Variants in ITGB6 observed in about 807,000 individuals in gnomAD.
ITGB6 encodes the protein integrin subunit beta 6, also known as integrin beta-6.
ITGB6 carries 80 observed loss-of-function variants against 84.5 expected under a neutral mutation model. That is an observed-to-expected ratio of 0.95 (90% CI 0.79 to 1.14). The LOEUF (loss-of-function observed/expected upper bound fraction) is 1.14. ITGB6 is among the 50% of genes most tolerant of loss of function. The pLI, the probability that ITGB6 is intolerant of heterozygous loss-of-function variation, is 0.00. For synonymous variants in ITGB6, 383 were observed against 354.9 expected, an observed-to-expected ratio of 1.08 and a Z score of -0.89; for missense variants, 1,006 against 968.0, an observed-to-expected ratio of 1.04 and a Z score of -0.52.
intron 4 of ITGB6, among the ~76,000 whole-genome samples, chr2:160,180,710 T>C (rs1292024578): frequency 6.6e-6 from 1 of 152,180 alleles, no homozygotes; most frequent in Admixed American, 6.5e-5. Flanking sequence ...GATGATCAAA[T>C]AGGAACAGCT....
chr2:160,174,079 A>G lies in ITGB6; in HGVS notation c.654T>C (p.Asn218=). 6.2e-7 allele frequency: 1 copy of G among 1,613,100 alleles called. No individual in the cohort carries two copies. Among genetic ancestry groups the G allele is most frequent in the Non-Finnish European group, 8.5e-7 (1 of 1,179,658 alleles). ...CAATTTCATTGAATCTTTCAGCATC[A>G]TTTGTCAATGGCAAAATGTGCTTGA... The part of the protein sequence containing the change: ...FGFKHILPLT[N]DAERFNEIVK... The change falls in exon 5 of 15, where the codon AAT becomes AAC. Residue 218 remains asparagine (N), a synonymous_variant. Transcript: ENST00000283249.
chr2:160,139,972 G>A lies in ITGB6; in HGVS notation c.1108-1773C>T, dbSNP rs531324784. Reference sequence around the variant, plus strand: ...CGGCACTGTAAAATACTGAGCTGAAGTTTGTAGCCACAAAGTTATAAACAC... The same window carrying A: ...CGGCACTGTAAAATACTGAGCTGAAATTTGTAGCCACAAAGTTATAAACAC... On this transcript the variant is annotated intron_variant, in intron 8 of 14. Transcript: ENST00000283249. Among the ~76,000 whole-genome samples, 6 of 152,276 alleles carry A rather than the reference G, an allele frequency of 3.9e-5. No individual in the cohort carries two copies. In the South Asian group the frequency reaches 1.2e-3, roughly 32 times the overall value.
intron 4 of ITGB6, among the ~76,000 whole-genome samples, chr2:160,179,205 A>G (rs1427785368): frequency 6.6e-6 from 1 of 151,960 alleles, no homozygotes; most frequent in Non-Finnish European, 1.5e-5. Flanking sequence ...CACATATACT[A>G]AAGTATTAAT....
chr2:160,121,797 G>A (rs1011655820), intron 12 of ITGB6, among the ~76,000 whole-genome samples: 1 of 149,130 alleles, frequency 6.7e-6, no homozygotes, highest in Non-Finnish European at 1.5e-5. Flanking sequence ...AAGACTCTCA[G>A]TAAAATGGGA....
At chr2:160,122,101 A>AT (rs1053482445) in intron 12 of ITGB6, among the ~76,000 whole-genome samples, 2 of 152,054 alleles carry the variant, frequency 1.3e-5, no homozygotes, top group African/African-American at 4.8e-5. Context: ...AATTAAAAAC[A>AT]TTTTTTTCTC....
intron 4 of ITGB6, among the ~76,000 whole-genome samples, chr2:160,180,458 T>C (rs1450524360): frequency 2.6e-5 from 4 of 152,196 alleles, no homozygotes; most frequent in African/African-American, 9.7e-5. Context: ...TTTATTTGTA[T>C]TTAACTTTTA....
chr2:160,126,684 T>C lies in ITGB6; in HGVS notation c.1661-83A>G, dbSNP rs552981186. On this transcript the variant is annotated intron_variant, in intron 10 of 14. Transcript: ENST00000283249. ...GGGTGAGGGGCATCTTTTCTCTTTG[T>C]CTTTAAGCACCGTCATCAAAAGACA... 17 of 1,304,346 alleles carry C rather than the reference T, an allele frequency of 1.3e-5. No individual in the cohort carries two copies. In the African/African-American group the frequency reaches 1.5e-4, roughly 11 times the overall value. 80.8% of individuals were successfully genotyped at this position (1,304,346 alleles called of 1,614,324 possible). A position where few individuals can be genotyped will look rare whatever the true frequency, so the allele number is the denominator to read the frequency against.
intron 7 of ITGB6, among the ~76,000 whole-genome samples, chr2:160,167,691 T>C (rs986950786): frequency 6.6e-6 from 1 of 152,340 alleles, no homozygotes. Context: ...GGCTCTGTTT[T>C]GCCATGTAGT....
intron 7 of ITGB6, among the ~76,000 whole-genome samples, chr2:160,166,018 A>G (rs982102548): frequency 5.9e-5 from 9 of 152,260 alleles, no homozygotes; most frequent in African/African-American, 1.9e-4. Context: ...TTTGACAAAT[A>G]TCTACTGAGA....
chr2:160,123,825 G>A lies in ITGB6; in HGVS notation c.1947C>T (p.Cys649=). The A allele has an allele frequency of 1.2e-6, 2 of 1,613,978 alleles. No individual in the cohort carries two copies. Among genetic ancestry groups the A allele is most frequent in the Non-Finnish European group, 1.7e-6 (2 of 1,179,922 alleles). Reference sequence around the variant, plus strand: ...CACTGATGGTCGCACCAGCTAGTTTGCACTTGTCCACACATTCTTCTCGGG... The same window carrying A: ...CACTGATGGTCGCACCAGCTAGTTTACACTTGTCCACACATTCTTCTCGGG... The part of the protein sequence containing the change: ...GQAREECVDK[C]KLAGATISEE... The change falls in exon 12 of 15, where the codon TGC becomes TGT. Residue 649 remains cysteine, a synonymous_variant. Coordinates refer to ENST00000283249, the MANE Select transcript of ITGB6 (RefSeq NM_000888.5).
chr2:160,195,602 A>G lies in ITGB6; in HGVS notation c.360T>C (p.Thr120=). ...ILKLRPGGAQ[T]LQVHVRQTED... Reference sequence around the variant, plus strand: ...CAGTCTGGCGGACATGCACCTGCAGAGTCTGCGCACCACCTGCAAAGCCCA... The same window carrying G: ...CAGTCTGGCGGACATGCACCTGCAGGGTCTGCGCACCACCTGCAAAGCCCA... Residue 120 remains threonine, a synonymous_variant, in exon 4 of 15, where the codon ACT becomes ACC. Coordinates refer to ENST00000283249, the MANE Select transcript of ITGB6 (RefSeq NM_000888.5). The G allele has an allele frequency of 6.2e-7, 1 of 1,614,058 alleles. No homozygotes were observed. The highest frequency in any genetic ancestry group is 8.5e-7 in the Non-Finnish European group (1 of 1,179,992).
intron 11 of ITGB6, among the ~76,000 whole-genome samples, chr2:160,126,092 G>T (rs779879262): frequency 6.6e-6 from 1 of 152,148 alleles, no homozygotes; most frequent in Admixed American, 6.5e-5. Flanking sequence ...ATGGAGAGGC[G>T]ATCTGATGTT....
chr2:160,138,141 G>T lies in ITGB6; in HGVS notation c.1166C>A (p.Ser389Ter). The T allele has an allele frequency of 6.2e-7, 1 of 1,613,822 alleles. No individual in the cohort carries two copies. Among genetic ancestry groups the T allele is most frequent in the South Asian group, 1.1e-5 (1 of 91,032 alleles). The change falls in exon 9 of 15, where the codon TCA (serine) becomes TAA (stop). Residue 389 changes from serine (S) to a stop codon, truncating the protein, a stop_gained. Coordinates refer to ENST00000283249, the MANE Select transcript of ITGB6 (RefSeq NM_000888.5). LOFTEE classifies it high-confidence loss of function. ...ACCGTTGTTACAGATGGCTGTAAAT[G>T]ACAAGTTGAGTCCTTCAGTGTCTCC... ...VLGDTEGLNL[S>*]FTAICNNGTL...
At chr2:160,145,935 G>C (rs1314998557) in intron 7 of ITGB6, among the ~76,000 whole-genome samples, 2 of 152,160 alleles carry the variant, frequency 1.3e-5, no homozygotes, top group African/African-American at 4.8e-5. Flanking sequence ...TGCTGGGTCA[G>C]TGTTTCGTAT....
Position 160,142,070 on chromosome 2 carries a change from T to C in ITGB6, c.1019A>G (p.Asn340Ser), listed in dbSNP as rs113506485. The part of the protein sequence containing the change: ...VTQEQVHLYE[N>S]YAKLIPGATV... ...AGCTCCAGGAATAAGTTTTGCGTAA[T>C]TCTGTAAACAGAAAAAGAGTAAGTC... The change falls in exon 8 of 15, where the codon AAT (asparagine) becomes AGT (serine). Residue 340 changes from asparagine (N) to serine (S), a missense_variant and splice_region_variant. Asn to Ser is a conservative substitution (Grantham distance 46). Transcript: ENST00000283249. 8 of 1,580,628 alleles carry C rather than the reference T, an allele frequency of 5.1e-6. No individual in the cohort carries two copies. In the African/African-American group the frequency reaches 9.5e-5, roughly 19 times the overall value.
chr2:160,121,555 C>T (rs558768010), intron 12 of ITGB6, among the ~76,000 whole-genome samples: 3 of 152,058 alleles, frequency 2.0e-5, no homozygotes, highest in Non-Finnish European at 2.9e-5. Context: ...GAGGCTGAGG[C>T]GGGCAGATGC....
At chr2:160,154,133 T>C (rs918578850) in intron 7 of ITGB6, among the ~76,000 whole-genome samples, 21 of 152,202 alleles carry the variant, frequency 1.4e-4, no homozygotes, top group African/African-American at 4.3e-4. Flanking sequence ...CACATGCACA[T>C]GTATGTTTAT....
chr2:160,194,522 TAGCTAATCTCTCA>T (rs773559982), intron 4 of ITGB6, among the ~76,000 whole-genome samples: 126 of 152,204 alleles, frequency 8.3e-4, no homozygotes, highest in Non-Finnish European at 1.4e-3. Context: ...CCTGGGCAAA[TAGCTAATCTCTCA>T]GAGCCTCTTA....
intron 11 of ITGB6, among the ~76,000 whole-genome samples, chr2:160,125,951 A>C (rs1425254331): frequency 6.6e-6 from 1 of 152,186 alleles, no homozygotes; most frequent in African/African-American, 2.4e-5. Flanking sequence ...GATAGGAATG[A>C]ATCAGTAAGG....
Sources: allele counts gnomAD v4.1 joint callset (sites outside exome capture counted in the v4.1 genomes callset), GRCh38; gene constraint gnomAD v4.1.1; transcripts MANE v1.5; gene names NCBI Gene and HGNC (gene_info 2026-07-23, HGNC 2026-07-21).